Variants in REV3L observed in about 807,000 individuals in gnomAD.
REV3L encodes the protein REV3 like, DNA directed polymerase zeta catalytic subunit, also known as DNA polymerase zeta catalytic subunit.
REV3L carries 69 observed loss-of-function variants against 299.4 expected under a neutral mutation model. The observed-to-expected ratio is 0.23, with a 90% CI of 0.19 to 0.28. The LOEUF (loss-of-function observed/expected upper bound fraction) is 0.28. REV3L is among the 10% of genes least tolerant of loss of function. REV3L has a pLI of 1.00. For synonymous variants in REV3L, 1,238 were observed against 1,271.4 expected (o/e 0.97, Z 0.56); for missense variants, 3,128 against 3,693.8 (o/e 0.85, Z 3.97).
rs572656673 is a variant in REV3L at position 111,325,699 on chromosome 6, C to T, written c.8242-3021G>A. On this transcript the variant is annotated intron_variant, in intron 25 of 31. Transcript: ENST00000368802. ...ACGTATATGCGGTACATATGATGTA[C>T]ACAGGCAGACAATGTGTAATGATCA... Among the ~76,000 whole-genome samples the T allele has an allele frequency of 2.2e-4, 33 of 152,292 alleles. No homozygotes were observed. In the South Asian group the frequency reaches 4.8e-3, roughly 22 times the overall value.
At chr6:111,316,699 T>C (rs1296507466) in intron 26 of REV3L, among the ~76,000 whole-genome samples, 2 of 150,674 alleles carry the variant, frequency 1.3e-5, no homozygotes, top group Non-Finnish European at 3.0e-5. Flanking sequence ...GACAGACATA[T>C]ATTCTGTAAT....
In REV3L at chr6:111,373,096, A is replaced by C; in HGVS notation, c.5259T>G (p.Thr1753=). Residue 1753 remains threonine (T), a synonymous_variant, in exon 13 of 32, where the codon ACT becomes ACG. Coordinates refer to ENST00000368802, the MANE Select transcript of REV3L (RefSeq NM_001372078.1). ...QWKNSFHPLT[T]RSNSIMDSFC... is the part of the protein sequence containing the mutation. Reference sequence around the variant, plus strand: ...AAGAATCCATTATTGAGTTAGACCGAGTTGTTAGAGGATGAAAGCTATTTT... The same window carrying C: ...AAGAATCCATTATTGAGTTAGACCGCGTTGTTAGAGGATGAAAGCTATTTT... 6.2e-7 allele frequency: 1 copy of C among 1,614,066 alleles called. No homozygotes were observed. The highest frequency in any genetic ancestry group is 1.1e-5 in the South Asian group (1 of 91,072).
chr6:111,366,837 T>A (rs1258525984), intron 14 of REV3L, among the ~76,000 whole-genome samples: 1 of 152,138 alleles, frequency 6.6e-6, no homozygotes, highest in East Asian at 1.9e-4. Context: ...GTGGGAGACC[T>A]GGGTATGTAT....
rs143621924 is a variant in REV3L at position 111,374,695 on chromosome 6, C to A, written c.3660G>T (p.Ser1220=). 2 of 1,613,292 alleles carry A rather than the reference C, an allele frequency of 1.2e-6. No individual in the cohort carries two copies. Among genetic ancestry groups the A allele is most frequent in the Non-Finnish European group, 1.7e-6 (2 of 1,179,882 alleles). ...CATCCTTAAGTGTTGTATGCTTTCT[C>A]GATGTACCTTTCTCATTTGTTTTTT... ...AKQKTNEKGT[S]RKHTTLKDEK... is the part of the protein sequence containing the mutation. Residue 1220 remains serine (S), a synonymous_variant, in exon 13 of 32, where the codon TCG becomes TCT. Coordinates refer to ENST00000368802, the MANE Select transcript of REV3L (RefSeq NM_001372078.1).
At chr6:111,422,517 G>A (rs1468876881) in intron 1 of REV3L, among the ~76,000 whole-genome samples, 1 of 147,302 alleles carries the variant, frequency 6.8e-6, no homozygotes, top group African/African-American at 2.5e-5. Flanking sequence ...CATAGTACAT[G>A]AGACCAGGTG....
chr6:111,465,856 C>T (rs1009041606), intron 1 of REV3L, among the ~76,000 whole-genome samples: 3 of 149,924 alleles, frequency 2.0e-5, no homozygotes, highest in Non-Finnish European at 4.4e-5. Context: ...CAATATATCG[C>T]AGAAATAGTC....
intron 26 of REV3L, among the ~76,000 whole-genome samples, chr6:111,321,242 C>G (rs533824669): frequency 2.1e-4 from 32 of 152,266 alleles, no homozygotes; most frequent in Admixed American, 1.0e-3. Flanking sequence ...AAAATCCCTT[C>G]CGGCTCTGAC....
chr6:111,339,841 T>G (rs1421187754), intron 21 of REV3L, among the ~76,000 whole-genome samples: 1 of 152,166 alleles, frequency 6.6e-6, no homozygotes, highest in Admixed American at 6.5e-5. Context: ...AAAGAGTAAT[T>G]GTGGCCTTTA....
chr6:111,423,323 G>A (rs909349283), intron 1 of REV3L, among the ~76,000 whole-genome samples: 1 of 152,172 alleles, frequency 6.6e-6, no homozygotes, highest in Non-Finnish European at 1.5e-5. Flanking sequence ...ACCAGAGGAA[G>A]TGACATTTGA....
rs1037627743 is a variant in REV3L at position 111,482,561 on chromosome 6, C to G, written c.139+189G>C. ...GTGGGGGCGCCGCGCAGCGCTCGCG[C>G]GGACCCACATTTTTGCGGCTCTTGT... is the stretch of plus-strand genomic sequence containing the variant. On this transcript the variant is annotated intron_variant, in intron 1 of 31. Transcript: ENST00000368802. Among the ~76,000 whole-genome samples the G allele has an allele frequency of 1.1e-4, 17 of 151,838 alleles. 1 individual carries two copies. Among genetic ancestry groups the G allele is most frequent in the African/African-American group, 2.4e-5 (1 of 41,394 alleles).
intron 30 of REV3L, chr6:111,307,837 CA>C (rs1188510813): frequency 4.9e-6 from 2 of 405,908 alleles, no homozygotes; most frequent in Non-Finnish European, 9.0e-6. Flanking sequence ...AGGGTATGTG[CA>C]GGTTTGTTAC....
rs754798064 is a variant in REV3L, at chr6:111,374,112, A to G, written c.4243T>C (p.Tyr1415His). The change falls in exon 13 of 32, where the codon TAT (tyrosine) becomes CAT (histidine). Residue 1415 changes from tyrosine to histidine, a missense_variant. Tyr to His is a moderately conservative substitution (Grantham distance 83, BLOSUM62 2). Around this residue, in one of 9 missense-constraint regions of REV3L, gnomAD observed 2,409 missense variants for 2,611.8 expected, o/e 0.92. Transcript: ENST00000368802. The stretch of plus-strand genomic sequence containing the variant: ...TTGCAATGCAAAAAATTAGGGGTAT[A>G]TGCTTGGTCCAGCTTTGATTCTAGG... ...NSLESKLDQAYTPNFLHCKDS... is the reference protein window; with the variant it reads ...NSLESKLDQAHTPNFLHCKDS... 4 of 1,614,026 alleles carry G rather than the reference A, an allele frequency of 2.5e-6. No individual in the cohort carries two copies. Among genetic ancestry groups the G allele is most frequent in the Admixed American group, 1.7e-5 (1 of 60,002 alleles).
At position 111,483,199 on chromosome 6, in the gene REV3L, T is replaced by A; in HGVS notation, c.-311A>T. ...CTCGGTCCCAGGCTGCAGCTCTTGT[T>A]GCCATGATGATGATGTCACGGACGC... On this transcript the variant is annotated 5_prime_UTR_variant, in exon 1 of 32. Coordinates refer to ENST00000368802, the MANE Select transcript of REV3L (RefSeq NM_001372078.1). 2 of 470,036 alleles carry A rather than the reference T, an allele frequency of 4.3e-6. No individual in the cohort carries two copies. Among genetic ancestry groups the A allele is most frequent in the Non-Finnish European group, 7.4e-6 (2 of 270,482 alleles). 29.1% of individuals were successfully genotyped at this position (470,036 alleles called of 1,614,324 possible).
intron 21 of REV3L, among the ~76,000 whole-genome samples, chr6:111,339,553 A>C (rs1327722341): frequency 6.6e-6 from 1 of 152,078 alleles, no homozygotes; most frequent in Admixed American, 6.5e-5. Flanking sequence ...CTGGTAACCA[A>C]GTAATATAAA....
intron 1 of REV3L, among the ~76,000 whole-genome samples, chr6:111,421,996 G>T (rs1024448530): frequency 2.6e-5 from 4 of 152,078 alleles, no homozygotes; most frequent in African/African-American, 9.7e-5. Context: ...GTCACAGAAA[G>T]TGTTAAATTA....
At chr6:111,359,457 TG>T (rs1778418049) in intron 16 of REV3L, among the ~76,000 whole-genome samples, 2 of 149,190 alleles carry the variant, frequency 1.3e-5, no homozygotes, top group Admixed American at 1.4e-4. Flanking sequence ...CACTACTACT[TG>T]AGGGCTACTT....
intron 7 of REV3L, 57 bp downstream of exon 7, chr6:111,389,049 C>CT: frequency 7.6e-7 from 1 of 1,316,620 alleles, no homozygotes; most frequent in Non-Finnish European, 1.1e-6. Context: ...CAATGACAAA[C>CT]TTTTCCATTA....
intron 1 of REV3L, among the ~76,000 whole-genome samples, chr6:111,473,101 AT>A (rs368980601): frequency 6.6e-6 from 1 of 152,294 alleles, no homozygotes; most frequent in African/African-American, 2.4e-5. Context: ...ACCTCATACC[AT>A]GGCCCATTTC....
rs753512383 is a variant in REV3L, at chr6:111,300,181, AAAT to A, written c.9253-28_9253-26del. On this transcript the variant is annotated intron_variant, in intron 31 of 31. Coordinates refer to ENST00000368802, the MANE Select transcript of REV3L (RefSeq NM_001372078.1). Reference sequence around the variant, plus strand: ...TCTGAAAGCATAAGAGAAATACAAAAAATAATAGGAAAGTTTTTATGCGTGTAT... The same window carrying A: ...TCTGAAAGCATAAGAGAAATACAAAAAATAGGAAAGTTTTTATGCGTGTAT... 1.2e-5 allele frequency: 17 copies of A among 1,426,798 alleles called. No homozygotes were observed. In the African/African-American group the frequency reaches 1.6e-4, roughly 13 times the overall value. The allele number at this position is 1,426,798 out of a possible 1,614,324, so 88.4% of individuals were successfully genotyped here. A position where few individuals can be genotyped will look rare whatever the true frequency, so the allele number is the denominator to read the frequency against.
Sources: gnomAD v4.1 joint callset for allele counts (sites outside exome capture counted in the v4.1 genomes callset) on GRCh38, gnomAD v4.1.1 for gene constraint, gnomAD v4.1.1 regional missense constraint, MANE v1.5 for transcripts, NCBI Gene and HGNC (gene_info 2026-07-23, HGNC 2026-07-21) for gene names.